ALCAM: variants seen among roughly 807,000 people sequenced by gnomAD.
ALCAM encodes the protein CD166 antigen.
A neutral mutation model predicts 70.9 loss-of-function variants in ALCAM; 30 were observed. The ratio of observed to expected loss-of-function variants is 0.42; its 90% CI spans 0.32 to 0.57. The LOEUF (loss-of-function observed/expected upper bound fraction) is 0.57, where lower values mean the gene tolerates loss of function less well. Ranked by LOEUF, ALCAM falls within the 20% of genes least tolerant of loss-of-function variation. The pLI is 0.11. For synonymous variants in ALCAM, 249 were observed against 242.5 expected (o/e 1.03, Z -0.25); for missense variants, 591 against 695.1 (o/e 0.85, Z 1.68).
At chr3:105,413,615 A>G (rs936006926) in intron 1 of ALCAM, among the ~76,000 whole-genome samples, 5 of 152,138 alleles carry the variant, frequency 3.3e-5, no homozygotes, top group African/African-American at 4.8e-5. Flanking sequence ...AAATGAGATC[A>G]TTGATAGCTA....
chr3:105,524,491 C>A lies in ALCAM; in HGVS notation c.377C>A (p.Thr126Lys), dbSNP rs918535348. 2.5e-6 allele frequency: 4 copies of A among 1,613,916 alleles called. No individual in the cohort carries two copies. The highest frequency in any genetic ancestry group is 3.4e-6 in the Non-Finnish European group (4 of 1,179,940). Residue 126 changes from threonine to lysine, a missense_variant, in exon 3 of 16, where the codon ACA becomes AAA. Coordinates refer to ENST00000306107, the MANE Select transcript of ALCAM (RefSeq NM_001627.4). ...GAGGACAACGTGTTTGAGGCACCTA[C>A]AATAGTCAAGGTGTTCAGTAAGTAG... ...VTEDNVFEAP[T>K]IVKVFKQPSK...
chr3:105,481,678 G>A (rs1251528106), intron 1 of ALCAM, among the ~76,000 whole-genome samples: 3 of 152,172 alleles, frequency 2.0e-5, no homozygotes, highest in South Asian at 2.1e-4. Context: ...AGGAGATTTT[G>A]TTGGTTGAAT....
intron 1 of ALCAM, among the ~76,000 whole-genome samples, chr3:105,501,925 AC>A (rs1553729338): frequency 6.6e-6 from 1 of 152,246 alleles, no homozygotes; most frequent in Non-Finnish European, 1.5e-5. Context: ...AACTCAAGTT[AC>A]AGTTGAAAAC....
At chr3:105,471,497 T>TAA in intron 1 of ALCAM, among the ~76,000 whole-genome samples, 1 of 151,426 alleles carries the variant, frequency 6.6e-6, no homozygotes. Context: ...GACTTCATTT[T>TAA]AGATTAGTTA....
chr3:105,369,098 G>A (rs1391518410), intron 1 of ALCAM, among the ~76,000 whole-genome samples: 1 of 152,184 alleles, frequency 6.6e-6, no homozygotes, highest in Non-Finnish European at 1.5e-5. Flanking sequence ...GGACAAGGGT[G>A]ATGTCGGTTT....
intron 1 of ALCAM, among the ~76,000 whole-genome samples, chr3:105,382,133 C>T (rs1200761125): frequency 1.3e-4 from 19 of 142,994 alleles, no homozygotes; most frequent in Admixed American, 4.3e-4. Flanking sequence ...TCTTCCCCTT[C>T]CTGTGTCCAT....
intron 15 of ALCAM, among the ~76,000 whole-genome samples, chr3:105,573,679 G>A (rs1940903596): frequency 6.6e-6 from 1 of 152,134 alleles, no homozygotes; most frequent in African/African-American, 2.4e-5. Flanking sequence ...CAAGCAAATA[G>A]AAGAGCCATT....
intron 1 of ALCAM, among the ~76,000 whole-genome samples, chr3:105,373,451 A>G (rs750572751): frequency 1.3e-5 from 2 of 152,190 alleles, no homozygotes; most frequent in Non-Finnish European, 2.9e-5. Context: ...AGAAATTGAT[A>G]TAAGTAGATT....
chr3:105,418,951 T>G (rs750107647), intron 1 of ALCAM, among the ~76,000 whole-genome samples: 26 of 151,768 alleles, frequency 1.7e-4, no homozygotes, highest in Non-Finnish European at 3.8e-4. Flanking sequence ...AAATAAACCT[T>G]CCTTATCAAA....
In ALCAM at chr3:105,552,567, T is replaced by A; in HGVS notation, c.1646T>A (p.Leu549Gln). Residue 549 changes from leucine to glutamine, a missense_variant, in exon 14 of 16, where the codon CTG (leucine) becomes CAG (glutamine). Coordinates refer to ENST00000306107, the MANE Select transcript of ALCAM (RefSeq NM_001627.4). ...CTTGTTGCTGGTGTCGTCTACTGGC[T>A]GTACATGAAGAAGTCAAAGTGAGTT... ...AALVAGVVYWLYMKKSKTASK... is the reference protein window; with the variant it reads ...AALVAGVVYWQYMKKSKTASK... 6.2e-7 allele frequency: 1 copy of A among 1,611,542 alleles called. No individual in the cohort carries two copies. The highest frequency in any genetic ancestry group is 8.5e-7 in the Non-Finnish European group (1 of 1,178,164).
rs1035149527 is a variant in ALCAM, at chr3:105,576,564, G to A, written c.*2113G>A. On this transcript the variant is annotated 3_prime_UTR_variant, in exon 16 of 16. Coordinates refer to ENST00000306107, the MANE Select transcript of ALCAM (RefSeq NM_001627.4). The stretch of plus-strand genomic sequence containing the variant: ...GTCCAAAAACAGCTGTCAGAACCTC[G>A]AGAGCAGAACATGAGAAACTCAGAG... The A allele has an allele frequency of 5.2e-5, 8 of 152,402 alleles. No homozygotes were observed. The highest frequency in any genetic ancestry group is 1.7e-4 in the African/African-American group (7 of 41,356). The allele number at this position is 152,402 out of a possible 1,614,324, so 9.4% of individuals were successfully genotyped here. A position where few individuals can be genotyped will look rare whatever the true frequency, so the allele number is the denominator to read the frequency against.
chr3:105,496,500 A>G (rs1446513868), intron 1 of ALCAM, among the ~76,000 whole-genome samples: 2 of 152,192 alleles, frequency 1.3e-5, no homozygotes, highest in Non-Finnish European at 2.9e-5. Context: ...ACAGGCTGTT[A>G]CAAAAGCGTT....
intron 1 of ALCAM, among the ~76,000 whole-genome samples, chr3:105,395,718 G>A (rs1036677772): frequency 1.3e-5 from 2 of 151,996 alleles, no homozygotes; most frequent in African/African-American, 4.8e-5. Context: ...AGTAAGATAT[G>A]CATCTCTATA....
intron 1 of ALCAM, among the ~76,000 whole-genome samples, chr3:105,437,789 A>T (rs187138434): frequency 6.6e-6 from 1 of 152,268 alleles, no homozygotes; most frequent in East Asian, 1.9e-4. Flanking sequence ...AAAATTTTAA[A>T]TGTATTCAAA....
At chr3:105,490,880 T>A (rs918135059) in intron 1 of ALCAM, among the ~76,000 whole-genome samples, 1 of 152,174 alleles carries the variant, frequency 6.6e-6, no homozygotes, top group Non-Finnish European at 1.5e-5. Flanking sequence ...GATCTACAAT[T>A]CTGAGGGCTG....
chr3:105,563,450 T>C (rs1940670974), intron 14 of ALCAM, among the ~76,000 whole-genome samples: 1 of 151,622 alleles, frequency 6.6e-6, no homozygotes, highest in Non-Finnish European at 1.5e-5. Context: ...CCACTTTTTC[T>C]CCTTTCTCTG....
At chr3:105,509,543 G>A (rs1324763903) in intron 1 of ALCAM, among the ~76,000 whole-genome samples, 1 of 151,212 alleles carries the variant, frequency 6.6e-6, no homozygotes, top group African/African-American at 2.4e-5. Flanking sequence ...TCATGTGCCT[G>A]TTTTTTTTAT....
At chr3:105,416,179 C>A (rs1040105561) in intron 1 of ALCAM, among the ~76,000 whole-genome samples, 2 of 152,012 alleles carry the variant, frequency 1.3e-5, no homozygotes, top group African/African-American at 4.8e-5. Flanking sequence ...GGATAAGACT[C>A]TCCTTATCAC....
chr3:105,576,503 A>G lies in ALCAM; in HGVS notation c.*2052A>G, dbSNP rs539326419. The G allele has an allele frequency of 9.8e-5, 15 of 152,722 alleles. No homozygotes were observed. The highest frequency in any genetic ancestry group is 3.3e-4 in the Admixed American group (5 of 15,286). The allele number at this position is 152,722 out of a possible 1,614,324, so 9.5% of individuals were successfully genotyped here. ...TGACAATAGAGAGAGTTATGCTACA[A>G]TTATTTCTTGGTTTCCACTTGCAAT... is the stretch of plus-strand genomic sequence containing the variant. On this transcript the variant is annotated 3_prime_UTR_variant, in exon 16 of 16. Coordinates refer to ENST00000306107, the MANE Select transcript of ALCAM (RefSeq NM_001627.4).
Sources: gnomAD v4.1 joint callset for allele counts (sites outside exome capture counted in the v4.1 genomes callset) on GRCh38, gnomAD v4.1.1 for gene constraint, MANE v1.5 for transcripts, NCBI Gene and HGNC (gene_info 2026-07-23, HGNC 2026-07-21) for gene names.